Variants in ESR1 observed in about 807,000 individuals in gnomAD.
The protein encoded by ESR1 is estrogen receptor.
A neutral mutation model predicts 52.7 loss-of-function variants in ESR1; 12 were observed. The observed-to-expected ratio is 0.23, with a 90% CI of 0.15 to 0.37. The LOEUF is 0.37. ESR1 is among the 10% of genes least tolerant of loss of function. ESR1 has a pLI of 1.00. For missense variants in ESR1, 584 were observed against 779.7 expected (o/e 0.75, Z 2.99); for synonymous variants, 305 against 316.8 (o/e 0.96, Z 0.39).
chr6:151,925,312 A>G (rs1420540190), intron 3 of ESR1, among the ~76,000 whole-genome samples: 2 of 152,104 alleles, frequency 1.3e-5, no homozygotes, highest in African/African-American at 4.8e-5. Flanking sequence ...CCCATTTTAA[A>G]AGTGGGGTTT....
At chr6:151,975,847 T>C (rs946599320) in intron 4 of ESR1, among the ~76,000 whole-genome samples, 1 of 152,202 alleles carries the variant, frequency 6.6e-6, no homozygotes. Context: ...GTCATTATAG[T>C]CTTATCTATA....
intron 1 of ESR1, among the ~76,000 whole-genome samples, chr6:151,684,809 T>TG (rs1366256694): frequency 6.6e-6 from 1 of 152,202 alleles, no homozygotes; most frequent in Non-Finnish European, 1.5e-5. Context: ...CCCCCAGTGC[T>TG]GGGGGGCCAA....
intron 1 of ESR1, among the ~76,000 whole-genome samples, chr6:151,692,516 T>TA (rs894075679): frequency 5.3e-4 from 78 of 148,176 alleles, no homozygotes; most frequent in South Asian, 4.5e-3. Context: ...ATCCACACTG[T>TA]AAAAAAAAAA....
At chr6:152,103,583 G>A (rs926363796), downstream of ESR1, among the ~76,000 whole-genome samples, 6 of 152,188 alleles carry the variant, frequency 3.9e-5, no homozygotes, top group Non-Finnish European at 7.3e-5. Flanking sequence ...TAATTCACAC[G>A]ATGGTGGTGA....
At chr6:152,069,978 T>C (rs1306611938) in intron 6 of ESR1, among the ~76,000 whole-genome samples, 1 of 137,426 alleles carries the variant, frequency 7.3e-6, no homozygotes, top group East Asian at 2.3e-4. Flanking sequence ...ATTTCAAGGA[T>C]GAGTAGGATT....
intron 5 of ESR1, among the ~76,000 whole-genome samples, chr6:152,052,176 C>T (rs1057345345): frequency 2.0e-5 from 3 of 152,162 alleles, no homozygotes; most frequent in South Asian, 2.1e-4. Context: ...GCTCCTTAAA[C>T]GACCTGCTCT....
chr6:151,823,230 C>G (rs1170547242), intron 1 of ESR1, among the ~76,000 whole-genome samples: 1 of 152,100 alleles, frequency 6.6e-6, no homozygotes, highest in Non-Finnish European at 1.5e-5. Context: ...TTTTTGAAGG[C>G]TGGAGGTTTT....
intron 4 of ESR1, chr6:151,984,102 A>C (rs2040233471): frequency 6.6e-6 from 1 of 152,140 alleles, no homozygotes; most frequent in Non-Finnish European, 1.5e-5. Flanking sequence ...GATTCTCAAG[A>C]CTATTCTCCA....
At chr6:151,774,566 A>T (rs1196740097) in intron 2 of ESR1, among the ~76,000 whole-genome samples, 6 of 152,202 alleles carry the variant, frequency 3.9e-5, no homozygotes, top group Admixed American at 3.9e-4. Context: ...CTCACACAGT[A>T]CTGGTAGGGC....
intron 2 of ESR1, among the ~76,000 whole-genome samples, chr6:151,795,980 C>T (rs931672818): frequency 1.5e-5 from 2 of 130,280 alleles, no homozygotes; most frequent in Admixed American, 8.1e-5. Flanking sequence ...AACCCCATCT[C>T]TTCTAAAAAT....
intron 2 of ESR1, among the ~76,000 whole-genome samples, chr6:151,787,536 A>G (rs1036812215): frequency 6.6e-6 from 1 of 151,956 alleles, no homozygotes; most frequent in South Asian, 2.1e-4. Flanking sequence ...AGGGTTTTGT[A>G]GTTCTTCTTG....
chr6:151,710,345 A>T (rs1195747864), intron 2 of ESR1, among the ~76,000 whole-genome samples: 3 of 152,104 alleles, frequency 2.0e-5, no homozygotes, highest in Non-Finnish European at 2.9e-5. Flanking sequence ...ACTGATCAAA[A>T]TGAAGATGCT....
At chr6:152,086,563 C>A (rs546636120) in intron 6 of ESR1, among the ~76,000 whole-genome samples, 18 of 150,832 alleles carry the variant, frequency 1.2e-4, no homozygotes, top group Non-Finnish European at 4.4e-5. Context: ...TGAACCAGTT[C>A]ATCAGTTTCA....
chr6:151,870,073 A>T (rs1206829075), intron 2 of ESR1, among the ~76,000 whole-genome samples: 1 of 152,186 alleles, frequency 6.6e-6, no homozygotes, highest in Non-Finnish European at 1.5e-5. Flanking sequence ...ATTGGCTGTA[A>T]ATTGGAGATA....
At chr6:152,121,447 G>A (rs2813555) in intron 6 of ESR1, among the ~76,000 whole-genome samples, 35,259 of 151,942 alleles carry the variant, frequency 0.23, 4,252 homozygotes, top group African/African-American at 0.3. Flanking sequence ...AAAGGTTTCC[G>A]GAAACAAGAA....
chr6:151,689,087 T>A (rs1023378031), upstream of ESR1, among the ~76,000 whole-genome samples: 7 of 152,246 alleles, frequency 4.6e-5, no homozygotes. Context: ...TTAGCTGTCC[T>A]ATTTTGAGAA....
At chr6:151,896,938 C>T (rs2128387802) in intron 3 of ESR1, among the ~76,000 whole-genome samples, 1 of 152,124 alleles carries the variant, frequency 6.6e-6, no homozygotes. Context: ...CATTGTTGAC[C>T]CAATGATCAT....
chr6:152,113,946 C>T (rs964772080), intron 6 of ESR1, among the ~76,000 whole-genome samples: 1 of 152,064 alleles, frequency 6.6e-6, no homozygotes, highest in African/African-American at 2.4e-5. Context: ...ATTTTTGGCT[C>T]CAGAGTTTAT....
intron 5 of ESR1, among the ~76,000 whole-genome samples, chr6:152,021,530 C>T (rs1562682221): frequency 6.6e-6 from 1 of 152,192 alleles, no homozygotes; most frequent in Non-Finnish European, 1.5e-5. Context: ...TGTTACACCA[C>T]AGCAGAGAAT....
Sources: gnomAD v4.1 joint callset for allele counts (sites outside exome capture counted in the v4.1 genomes callset) on GRCh38, gnomAD v4.1.1 for gene constraint, MANE v1.5 for transcripts, NCBI Gene and HGNC (gene_info 2026-07-23, HGNC 2026-07-21) for gene names.